Variants in CARMIL1 observed in about 807,000 individuals in gnomAD.
CARMIL1 encodes the protein capping protein regulator and myosin 1 linker 1.
A neutral mutation model predicts 177.1 loss-of-function variants in CARMIL1; 90 were observed. The observed-to-expected ratio is 0.51, with a 90% CI of 0.43 to 0.61. CARMIL1 has a LOEUF of 0.61. CARMIL1 is among the 20% of genes least tolerant of loss of function. The pLI, the probability that CARMIL1 is intolerant of heterozygous loss-of-function variation, is 0.00. For missense variants in CARMIL1, 1,380 were observed against 1,667.0 expected (o/e 0.83, Z 3.00); for synonymous variants, 577 against 606.2 (o/e 0.95, Z 0.71).
chr6:25,609,090 G>A (rs542529523), intron 35 of CARMIL1, among the ~76,000 whole-genome samples: 1 of 152,154 alleles, frequency 6.6e-6, no homozygotes, highest in Admixed American at 6.5e-5. Context: ...CTGCATGCTT[G>A]TCCAATCCTG....
intron 2 of CARMIL1, among the ~76,000 whole-genome samples, chr6:25,385,499 A>G (rs1792061954): frequency 6.6e-6 from 1 of 152,220 alleles, no homozygotes; most frequent in African/African-American, 2.4e-5. Context: ...TTCATTTAGT[A>G]AACATTTATT....
At position 25,449,957 on chromosome 6, in the gene CARMIL1, T is replaced by C; in HGVS notation, c.431T>C (p.Leu144Pro). 1 of 1,611,932 alleles carries C rather than the reference T, an allele frequency of 6.2e-7. No homozygotes were observed. The highest frequency in any genetic ancestry group is 8.5e-7 in the Non-Finnish European group (1 of 1,178,690). The stretch of plus-strand genomic sequence containing the variant: ...GAGCGCCTGGCTAGTCTCCAGGCGC[T>C]GTGGGACAGCCAGACCGTGGCTGAG... ...PSERLASLQA[L>P]WDSQTVAEQG... Residue 144 changes from leucine (L) to proline (P), a missense_variant, in exon 6 of 37, where the codon CTG becomes CCG. Physicochemically the swap from Leu to Pro is moderately conservative, Grantham distance 98 (BLOSUM62 -3). Transcript: ENST00000329474.
intron 6 of CARMIL1, 145 bp from the exon 7 acceptor site, chr6:25,450,194 C>T (rs1431086680): frequency 5.5e-6 from 4 of 725,148 alleles, no homozygotes; most frequent in South Asian, 5.2e-5. Flanking sequence ...TACTATAGAA[C>T]AGGGAGGAGA....
chr6:25,607,030 C>A (rs1216244430), intron 35 of CARMIL1, among the ~76,000 whole-genome samples: 2 of 152,036 alleles, frequency 1.3e-5, no homozygotes, highest in African/African-American at 4.8e-5. Context: ...CACCTGTAGT[C>A]CCTGCTACTT....
chr6:25,399,910 A>T (rs1793743846), intron 2 of CARMIL1, among the ~76,000 whole-genome samples: 1 of 152,206 alleles, frequency 6.6e-6, no homozygotes. Context: ...TTTTATATAC[A>T]TCCTCTTATT....
At chr6:25,390,606 G>A (rs903360165) in intron 2 of CARMIL1, among the ~76,000 whole-genome samples, 4 of 151,982 alleles carry the variant, frequency 2.6e-5, no homozygotes, top group African/African-American at 9.7e-5. Flanking sequence ...ACAAGCATGA[G>A]CCACTGCATC....
At chr6:25,296,529 C>CA (rs910688231) in intron 2 of CARMIL1, among the ~76,000 whole-genome samples, 8 of 152,182 alleles carry the variant, frequency 5.3e-5, no homozygotes, top group African/African-American at 1.9e-4. Flanking sequence ...GTAGAACAGA[C>CA]AAAGAAAATC....
At position 25,510,732 on chromosome 6, in the gene CARMIL1, C is replaced by G; in HGVS notation, c.1602C>G (p.Asn534Lys). The change falls in exon 20 of 37, where the codon AAC becomes AAG. Residue 534 changes from asparagine (N) to lysine (K), a missense_variant. Coordinates refer to ENST00000329474, the MANE Select transcript of CARMIL1 (RefSeq NM_017640.6). Reference sequence around the variant, plus strand: ...GAAATCTGACACCTGTATTGGACAACTTAGTACAGATGATTCAAGATGAAG... The same window carrying G: ...GAAATCTGACACCTGTATTGGACAAGTTAGTACAGATGATTCAAGATGAAG... ...KSKNLTPVLD[N>K]LVQMIQDEES... 6.5e-7 allele frequency: 1 copy of G among 1,547,432 alleles called. No homozygotes were observed. The highest frequency in any genetic ancestry group is 8.8e-7 in the Non-Finnish European group (1 of 1,141,952).
Position 25,280,584 on chromosome 6 carries a change from G to GA in CARMIL1, c.40+750dup, listed in dbSNP as rs528977982. On this transcript the variant is annotated intron_variant, in intron 1 of 36. Coordinates refer to ENST00000329474, the MANE Select transcript of CARMIL1 (RefSeq NM_017640.6). ...AGGTGACCCATTGTTTGAGTACCTT[G>GA]AGGTTTTTTTTTTTTTGGTGGTGGT... 2.8e-3 allele frequency among the ~76,000 whole-genome samples: 416 copies of GA among 149,784 alleles called. 4 individuals are homozygous for GA. The highest frequency in any genetic ancestry group is 0.01 in the Middle Eastern group (3 of 290).
At chr6:25,393,504 C>T (rs13211247) in intron 2 of CARMIL1, 23,470 of 148,602 alleles carry the variant, frequency 0.16, 2,106 homozygotes, top group East Asian at 0.22. Context: ...TGCAGTGAGC[C>T]GAGATCACGC....
At chr6:25,347,641 A>G (rs569737542) in intron 2 of CARMIL1, among the ~76,000 whole-genome samples, 1 of 152,354 alleles carries the variant, frequency 6.6e-6, no homozygotes, top group Admixed American at 6.5e-5. Context: ...ATATGAAAGA[A>G]TGGCAAAGGT....
At chr6:25,362,401 G>A (rs1366269644) in intron 2 of CARMIL1, among the ~76,000 whole-genome samples, 6 of 152,148 alleles carry the variant, frequency 3.9e-5, no homozygotes, top group Non-Finnish European at 5.9e-5. Flanking sequence ...CGGGCCGGGC[G>A]TGGTGGCTCA....
chr6:25,368,483 T>G (rs1790067865), intron 2 of CARMIL1, among the ~76,000 whole-genome samples: 1 of 152,198 alleles, frequency 6.6e-6, no homozygotes, highest in Non-Finnish European at 1.5e-5. Flanking sequence ...TAACACCTCC[T>G]GATAAGCACC....
At chr6:25,614,791 A>G (rs931249677) in intron 36 of CARMIL1, among the ~76,000 whole-genome samples, 1 of 152,216 alleles carries the variant, frequency 6.6e-6, no homozygotes, top group Non-Finnish European at 1.5e-5. Context: ...TGATCATCCA[A>G]TGAGGCTTTG....
intron 2 of CARMIL1, among the ~76,000 whole-genome samples, chr6:25,314,202 C>T (rs1676096226): frequency 7.8e-6 from 1 of 127,690 alleles, no homozygotes; most frequent in Non-Finnish European, 1.7e-5. Flanking sequence ...TGTGATCCAC[C>T]CACCCGCCTC....
chr6:25,537,477 C>G (rs948123999), intron 24 of CARMIL1, among the ~76,000 whole-genome samples: 1 of 152,116 alleles, frequency 6.6e-6, no homozygotes, highest in African/African-American at 2.4e-5. Flanking sequence ...CTATGTCTAA[C>G]ACATAGAGGG....
chr6:25,516,387 A>G (rs116285456), intron 21 of CARMIL1, among the ~76,000 whole-genome samples: 2,846 of 152,328 alleles, frequency 0.019, 67 homozygotes, highest in African/African-American at 0.056. Flanking sequence ...GACTAGCTCC[A>G]CTGTCACCTT....
chr6:25,495,041 GTGTC>G (rs1200047348), intron 15 of CARMIL1, 66 bp from the exon 16 acceptor site: 25 of 838,382 alleles, frequency 3.0e-5, no homozygotes, highest in Non-Finnish European at 4.7e-5. Context: ...AGATTTCACA[GTGTC>G]TGAATAATCA....
rs1227586631 is a variant in CARMIL1, at chr6:25,620,094, C to G, written c.*511C>G. 6.6e-6 allele frequency: 1 copy of G among 152,650 alleles called. No individual in the cohort carries two copies. The allele number at this position is 152,650 out of a possible 1,614,324, so 9.5% of individuals were successfully genotyped here. On this transcript the variant is annotated 3_prime_UTR_variant, in exon 37 of 37. Transcript: ENST00000329474. ...CAATTGCACATTGTAATTATATTAA[C>G]AGAGCACACTAATAATTTGTATAGA...
Sources: allele counts gnomAD v4.1 joint callset (sites outside exome capture counted in the v4.1 genomes callset), GRCh38; gene constraint gnomAD v4.1.1; transcripts MANE v1.5; gene names NCBI Gene and HGNC (gene_info 2026-07-23, HGNC 2026-07-21).